Variants in GNPAT observed in about 807,000 individuals in gnomAD.
GNPAT encodes glyceronephosphate O-acyltransferase, also known as dihydroxyacetone phosphate acyltransferase.
GNPAT carries 30 observed loss-of-function variants against 78.4 expected under a neutral mutation model. The observed-to-expected ratio is 0.38, with a 90% CI of 0.29 to 0.52. The LOEUF (loss-of-function observed/expected upper bound fraction) is 0.52, where lower values mean the gene tolerates loss of function less well. Among genes scored for constraint, GNPAT ranks in the 20% least tolerant of loss-of-function variants. The pLI, the probability that GNPAT is intolerant of heterozygous loss-of-function variation, is 0.84. For missense variants in GNPAT, 714 were observed against 812.2 expected (o/e 0.88, Z 1.47); for synonymous variants, 271 against 281.1 (o/e 0.96, Z 0.36).
chr1:231,243,701 G>A (rs1684675764), intron 1 of GNPAT, among the ~76,000 whole-genome samples: 1 of 152,078 alleles, frequency 6.6e-6, no homozygotes, highest in South Asian at 2.1e-4. Context: ...CTACTCCCTT[G>A]CATATTTGGG....
At chr1:231,259,157 C>CG (rs1553336146) in intron 2 of GNPAT, among the ~76,000 whole-genome samples, 3 of 145,254 alleles carry the variant, frequency 2.1e-5, no homozygotes, top group Non-Finnish European at 4.5e-5. Context: ...TATTTATAAA[C>CG]TTTTTTTTTT....
chr1:231,241,358 G>A lies in GNPAT; in HGVS notation c.-21G>A, dbSNP rs776456163. 3 of 1,603,238 alleles carry A rather than the reference G, an allele frequency of 1.9e-6. No homozygotes were observed. In the Admixed American group the frequency reaches 5.0e-5, roughly 27 times the overall value. On this transcript the variant is annotated 5_prime_UTR_variant, in exon 1 of 16. Transcript: ENST00000366647. ...GGCTTAGCAAAGAATCCCAGACCCCGCCCGGGAAGGCAGCCGCACCATGGA... is the reference window on the plus strand; with the variant it reads ...GGCTTAGCAAAGAATCCCAGACCCCACCCGGGAAGGCAGCCGCACCATGGA...
intron 1 of GNPAT, among the ~76,000 whole-genome samples, chr1:231,247,563 A>C (rs1054451769): frequency 2.0e-5 from 3 of 152,188 alleles, no homozygotes; most frequent in African/African-American, 7.2e-5. Context: ...TTGATGGCTA[A>C]ATATTTCCCA....
chr1:231,274,937 A>G, intron 12 of GNPAT: 1 of 362,824 alleles, frequency 2.8e-6, no homozygotes. Flanking sequence ...CATAAGAGAT[A>G]CGAAGCTGAT....
intron 4 of GNPAT, among the ~76,000 whole-genome samples, chr1:231,264,748 G>C (rs1445866302): frequency 6.6e-6 from 1 of 152,196 alleles, no homozygotes; most frequent in Non-Finnish European, 1.5e-5. Flanking sequence ...CAAAAGATGA[G>C]AGCGGGTTTG....
chr1:231,267,593 G>C, intron 8 of GNPAT, 87 bp from the exon 9 acceptor site: 1 of 827,418 alleles, frequency 1.2e-6, no homozygotes, highest in Non-Finnish European at 2.1e-6. Flanking sequence ...AGTATGAGAA[G>C]CCTTCTAAAA....
Position 231,276,238 on chromosome 1 carries a change from G to A in GNPAT, c.1999+42G>A, listed in dbSNP as rs200186460. 153 of 967,102 alleles carry A rather than the reference G, an allele frequency of 1.6e-4. No individual in the cohort carries two copies. In the East Asian group the frequency reaches 3.6e-3, roughly 23 times the overall value. The allele number at this position is 967,102 out of a possible 1,614,324, so 59.9% of individuals were successfully genotyped here. A position where few individuals can be genotyped will look rare whatever the true frequency, so the allele number is the denominator to read the frequency against. On this transcript the variant is annotated intron_variant, in intron 15 of 15. Transcript: ENST00000366647. Reference sequence around the variant, plus strand: ...AAAATACAAGTTTTCACATTTTGTTGATGAATTAAAATAAGAAAGTATACT... The same window carrying A: ...AAAATACAAGTTTTCACATTTTGTTAATGAATTAAAATAAGAAAGTATACT...
chr1:231,276,893 T>TA (rs1685733616), intron 15 of GNPAT, among the ~76,000 whole-genome samples: 1 of 152,228 alleles, frequency 6.6e-6, no homozygotes, highest in African/African-American at 2.4e-5. Flanking sequence ...TGGATCGTCT[T>TA]CCAAGTACTG....
chr1:231,250,750 A>G (rs1336228070), intron 1 of GNPAT, among the ~76,000 whole-genome samples: 1 of 152,178 alleles, frequency 6.6e-6, no homozygotes, highest in Non-Finnish European at 1.5e-5. Flanking sequence ...AATATAATAA[A>G]ATATTATGAT....
chr1:231,268,130 G>C (rs777482684), intron 9 of GNPAT, among the ~76,000 whole-genome samples: 1 of 152,020 alleles, frequency 6.6e-6, no homozygotes. Context: ...GTGAAACCCC[G>C]TCTCTACTAA....
At chr1:231,246,006 C>T (rs981405444) in intron 1 of GNPAT, among the ~76,000 whole-genome samples, 1 of 152,082 alleles carries the variant, frequency 6.6e-6, no homozygotes, top group African/African-American at 2.4e-5. Flanking sequence ...TGTAAATTTA[C>T]GATTAAATCC....
intron 14 of GNPAT, 40 bp from the exon 15 acceptor site, chr1:231,276,095 C>G (rs761725893): frequency 1.1e-6 from 1 of 879,498 alleles, no homozygotes; most frequent in Non-Finnish European, 1.9e-6. Context: ...GTCTTTTCCC[C>G]AGAGTTTATG....
chr1:231,270,227 C>G (rs1685519641), intron 9 of GNPAT, among the ~76,000 whole-genome samples: 1 of 152,214 alleles, frequency 6.6e-6, no homozygotes, highest in African/African-American at 2.4e-5. Flanking sequence ...TGCCATGGAG[C>G]TGCCCCTTTA....
At chr1:231,261,105 C>T (rs1239406084) in intron 3 of GNPAT, among the ~76,000 whole-genome samples, 1 of 152,076 alleles carries the variant, frequency 6.6e-6, no homozygotes, top group African/African-American at 2.4e-5. Flanking sequence ...TCTTATGGTA[C>T]AAGTATCAAA....
At chr1:231,267,338 A>G (rs1270169571) in intron 8 of GNPAT, among the ~76,000 whole-genome samples, 1 of 152,226 alleles carries the variant, frequency 6.6e-6, no homozygotes, top group African/African-American at 2.4e-5. Context: ...TCAGCGTGCT[A>G]TGCATTCTGA....
At chr1:231,241,603 T>C in intron 1 of GNPAT, 147 bp downstream of exon 1, 1 of 717,412 alleles carries the variant, frequency 1.4e-6, no homozygotes, top group East Asian at 2.7e-5. Context: ...TGGATTGGTT[T>C]CCAGGACAAC....
chr1:231,252,870 A>G (rs1252158648), intron 2 of GNPAT, among the ~76,000 whole-genome samples: 1 of 152,010 alleles, frequency 6.6e-6, no homozygotes, highest in Non-Finnish European at 1.5e-5. Flanking sequence ...ATTTGTGTAG[A>G]TTGTGGCTCA....
At chr1:231,263,248 A>G (rs1685273511) in intron 4 of GNPAT, among the ~76,000 whole-genome samples, 1 of 152,234 alleles carries the variant, frequency 6.6e-6, no homozygotes, top group Non-Finnish European at 1.5e-5. Flanking sequence ...CATCTTCAAA[A>G]ATATAGTTCA....
At chr1:231,264,981 G>T (rs927152962) in intron 4 of GNPAT, among the ~76,000 whole-genome samples, 1 of 152,156 alleles carries the variant, frequency 6.6e-6, no homozygotes, top group Admixed American at 6.5e-5. Context: ...ATTCTATTAG[G>T]TATCTCTTAT....
Sources: gnomAD v4.1 joint callset for allele counts (sites outside exome capture counted in the v4.1 genomes callset) on GRCh38, gnomAD v4.1.1 for gene constraint, MANE v1.5 for transcripts, NCBI Gene and HGNC (gene_info 2026-07-23, HGNC 2026-07-21) for gene names.